Variants in LTB observed in about 807,000 individuals in gnomAD.
The protein encoded by LTB is lymphotoxin-beta.
LTB carries 17 observed loss-of-function variants against 14.7 expected under a neutral mutation model. That is an observed-to-expected ratio of 1.16 (90% CI 0.79 to 1.73). The LOEUF (loss-of-function observed/expected upper bound fraction) is 1.73. LTB is among the 40% of genes most tolerant of loss of function. The pLI is 0.00. For synonymous variants in LTB, 163 were observed against 157.3 expected (o/e 1.04, Z -0.27); for missense variants, 288 against 324.3 (o/e 0.89, Z 0.86).
chr6:31,581,899 GC>G, intron 1 of LTB, 40 bp from the exon 2 acceptor site: 1 of 1,547,250 alleles, frequency 6.5e-7, no homozygotes, highest in Non-Finnish European at 8.7e-7. Flanking sequence ...TTCAGATTCA[GC>G]TCATGTCACC....
chr6:31,582,146 G>A, intron 1 of LTB, 110 bp downstream of exon 1: 2 of 1,307,390 alleles, frequency 1.5e-6, no homozygotes, highest in Non-Finnish European at 2.2e-6. Context: ...CCCCACCAGG[G>A]ACAGCCGAGC....
chr6:31,582,185 C>T (rs1422287849), intron 1 of LTB, 71 bp downstream of exon 1: 3 of 1,578,436 alleles, frequency 1.9e-6, no homozygotes, highest in Non-Finnish European at 1.7e-6. Context: ...CAAAAGACCA[C>T]AGGCACAACC....
chr6:31,581,448 G>A, intron 3 of LTB, 111 bp downstream of exon 3: 1 of 1,049,080 alleles, frequency 9.5e-7, no homozygotes. Context: ...AAAAGGTCGT[G>A]AAGCGGGTGG....
Position 31,580,685 on chromosome 6 carries a change from C to G in LTB, c.*24G>C. On this transcript the variant is annotated 3_prime_UTR_variant, in exon 4 of 4. Coordinates refer to ENST00000429299, the MANE Select transcript of LTB (RefSeq NM_002341.2). This position sits in a 1 kb window ranked among gnomAD's most constrained non-coding sequence, Gnocchi z 6.6. ...CGTCCGGGCCCCCAATATTCACGCACTCGCACCACGCACTCATATTCCCTC... is the reference window on the plus strand; with the variant it reads ...CGTCCGGGCCCCCAATATTCACGCAGTCGCACCACGCACTCATATTCCCTC... 1.3e-6 allele frequency: 2 copies of G among 1,582,424 alleles called. No homozygotes were observed.
chr6:31,581,773 T>A (rs545155588), intron 2 of LTB, 41 bp downstream of exon 2: 2 of 1,611,534 alleles, frequency 1.2e-6, no homozygotes, highest in African/African-American at 2.7e-5. Context: ...TGGGAGCCCC[T>A]GAGGGTCTGA....
chr6:31,580,615 T>C lies in LTB; in HGVS notation c.*94A>G. On this transcript the variant is annotated 3_prime_UTR_variant, in exon 4 of 4. Coordinates refer to ENST00000429299, the MANE Select transcript of LTB (RefSeq NM_002341.2). This position sits in a 1 kb window ranked among gnomAD's most constrained non-coding sequence, Gnocchi z 6.6. The stretch of plus-strand genomic sequence containing the variant: ...ATTTTCATCAGGTTCAAAATCAATT[T>C]CCAAACAGTCTCCTACATTTTTCCC... 8.6e-7 allele frequency: 1 copy of C among 1,167,084 alleles called. No homozygotes were observed. The highest frequency in any genetic ancestry group is 1.5e-5 in the South Asian group (1 of 67,990). The allele number at this position is 1,167,084 out of a possible 1,614,324, so 72.3% of individuals were successfully genotyped here.
At chr6:31,581,268 G>T in intron 3 of LTB, 105 bp from the exon 4 acceptor site, 3 of 1,060,830 alleles carry the variant, frequency 2.8e-6, no homozygotes, top group Non-Finnish European at 4.0e-6. Context: ...AGCCGGGCCG[G>T]GGGAGGAGGG....
rs1771424720 is a variant in LTB, at chr6:31,580,767, G to A, written c.677C>T (p.Pro226Leu). The A allele has an allele frequency of 6.2e-7, 1 of 1,612,916 alleles. No individual in the cohort carries two copies. The highest frequency in any genetic ancestry group is 8.5e-7 in the Non-Finnish European group (1 of 1,180,016). ...CCCTCTCGCGAAGTCCACCATATCG[G>A]GGTGACTGATGTTGACGTACACCCT... ...GERVYVNISHPDMVDFARGKT... is the reference protein window; with the variant it reads ...GERVYVNISHLDMVDFARGKT... The change falls in exon 4 of 4, where the codon CCC (proline) becomes CTC (leucine). Residue 226 changes from proline (P) to leucine (L), a missense_variant. Transcript: ENST00000429299. The surrounding 1 kb of genome is among the most constrained non-coding windows in gnomAD (Gnocchi z 6.6).
Position 31,581,624 on chromosome 6 carries a change from T to A in LTB, c.215A>T (p.Gln72Leu). The A allele has an allele frequency of 6.2e-7, 1 of 1,612,884 alleles. No individual in the cohort carries two copies. The highest frequency in any genetic ancestry group is 8.5e-7 in the Non-Finnish European group (1 of 1,179,952). Residue 72 changes from glutamine to leucine, a missense_variant, in exon 3 of 4, where the codon CAG becomes CTG. Around this residue, in one of 2 missense-constraint regions of LTB, gnomAD observed 284 missense variants for 299.2 expected, o/e 0.95. Transcript: ENST00000429299. Reference sequence around the variant, plus strand: ...TTCTGGCTCCTCCTCTGGCAGCTTCTGAAACCCTGGAAGGGGCAAAGAGTC... The same window carrying A: ...TTCTGGCTCCTCCTCTGGCAGCTTCAGAAACCCTGGAAGGGGCAAAGAGTC... ...GAQAQQGLGF[Q>L]KLPEEEPETD...
At chr6:31,582,042 C>T (rs553202953) in intron 1 of LTB, 183 bp from the exon 2 acceptor site, 25 of 764,472 alleles carry the variant, frequency 3.3e-5, no homozygotes, top group African/African-American at 1.4e-4. Flanking sequence ...AGATGTACCT[C>T]GGGAAGAGGA....
chr6:31,582,103 C>G (rs1771584573), intron 1 of LTB, 153 bp downstream of exon 1: 2 of 929,456 alleles, frequency 2.2e-6, no homozygotes, highest in African/African-American at 1.6e-5. Context: ...ATCACAGGAA[C>G]ATGGAAAGAG....
rs1449681034 is a variant in LTB at position 31,581,156 on chromosome 6, CG to C, written c.287del (p.Pro96ArgfsTer2). ...GLPAAHLIGAPLKGQGLGWET... is the reference protein window; with the variant it reads ...GLPAAHLIGAXLKGQGLGWET... Reference sequence around the variant, plus strand: ...CCCAGCCTAGCCCCTGCCCCTTCAGCGGAGCGCCTGCGGAGACACGGGCCGA... The same window carrying C: ...CCCAGCCTAGCCCCTGCCCCTTCAGCGAGCGCCTGCGGAGACACGGGCCGA... On this transcript the variant is annotated frameshift_variant, in exon 4 of 4. Transcript: ENST00000429299. LOFTEE classifies it low-confidence loss of function (END_TRUNC). 2 of 1,532,680 alleles carry C rather than the reference CG, an allele frequency of 1.3e-6. No homozygotes were observed. 94.9% of individuals were successfully genotyped at this position (1,532,680 alleles called of 1,614,324 possible). A position where few individuals can be genotyped will look rare whatever the true frequency, so the allele number is the denominator to read the frequency against.
chr6:31,581,786 C>T (rs749649327), intron 2 of LTB, 28 bp downstream of exon 2: 4 of 1,612,286 alleles, frequency 2.5e-6, no homozygotes, highest in South Asian at 1.1e-5. Flanking sequence ...GGGTCTGAAG[C>T]GGGGAAGGAG....
chr6:31,581,439 A>G, intron 3 of LTB, 120 bp downstream of exon 3: 2 of 986,888 alleles, frequency 2.0e-6, no homozygotes, highest in Non-Finnish European at 1.6e-6. Flanking sequence ...ACGAGCGACA[A>G]AAGGTCGTGA....
chr6:31,582,214 G>T (rs756320691), intron 1 of LTB, 42 bp downstream of exon 1: 11 of 1,603,834 alleles, frequency 6.9e-6, no homozygotes, highest in Non-Finnish European at 9.4e-6. Flanking sequence ...CCAAGCATCC[G>T]CAAGATACAA....
Position 31,580,591 on chromosome 6 carries a change from T to C in LTB, c.*118A>G, listed in dbSNP as rs769175. 5.8e-4 allele frequency: 569 copies of C among 983,414 alleles called. No homozygotes were observed. Among genetic ancestry groups the C allele is most frequent in the Non-Finnish European group, 8.0e-4 (527 of 655,588 alleles). 60.9% of individuals were successfully genotyped at this position (983,414 alleles called of 1,614,324 possible). The stretch of plus-strand genomic sequence containing the variant: ...CAGCACTGAAGCTTTCCATTCTTTA[T>C]TTTCATCAGGTTCAAAATCAATTTC... On this transcript the variant is annotated 3_prime_UTR_variant, in exon 4 of 4. Coordinates refer to ENST00000429299, the MANE Select transcript of LTB (RefSeq NM_002341.2). This position sits in a 1 kb window ranked among gnomAD's most constrained non-coding sequence, Gnocchi z 6.6.
chr6:31,582,026 A>G, intron 1 of LTB, 167 bp from the exon 2 acceptor site: 1 of 795,658 alleles, frequency 1.3e-6, no homozygotes, highest in Non-Finnish European at 2.0e-6. Context: ...ACTTGGGCGG[A>G]GAAACAGATG....
chr6:31,580,959 G>C lies in LTB; in HGVS notation c.485C>G (p.Ser162Cys). ...GTAGGCGCCCCCCGCCCGGTACAGA[G>C]AGCTGCGCAGCGTGACCGAGCGGCC... ...PQGRSVTLRSSLYRAGGAYGP... is the reference protein window; with the variant it reads ...PQGRSVTLRSCLYRAGGAYGP... Residue 162 changes from serine (S) to cysteine (C), a missense_variant, in exon 4 of 4, where the codon TCT becomes TGT. Transcript: ENST00000429299. This position sits in a 1 kb window ranked among gnomAD's most constrained non-coding sequence, Gnocchi z 6.6. 1.3e-6 allele frequency: 2 copies of C among 1,568,914 alleles called. No individual in the cohort carries two copies. Among genetic ancestry groups the C allele is most frequent in the South Asian group, 1.2e-5 (1 of 86,606 alleles).
At chr6:31,581,214 G>A (rs1771487931) in intron 3 of LTB, 51 bp from the exon 4 acceptor site, 1 of 1,471,888 alleles carries the variant, frequency 6.8e-7, no homozygotes, top group Non-Finnish European at 9.1e-7. Flanking sequence ...CTAAAGGCTT[G>A]GGACTTCTGG....
Sources: allele counts gnomAD v4.1 joint callset, GRCh38; gene constraint gnomAD v4.1.1; regional missense constraint gnomAD v4.1.1; non-coding constraint Gnocchi (gnomAD v3.1); transcripts MANE v1.5; gene names NCBI Gene and HGNC (gene_info 2026-07-23, HGNC 2026-07-21).